LINGO2: variants seen among roughly 807,000 people sequenced by gnomAD.
The protein encoded by LINGO2 is leucine-rich repeat and immunoglobulin-like domain-containing nogo receptor-interacting protein 2.
A neutral mutation model predicts 30.6 loss-of-function variants in LINGO2; 14 were observed. The ratio of observed to expected loss-of-function variants is 0.46; its 90% CI spans 0.30 to 0.72. The LOEUF is 0.72. Ranked by LOEUF, LINGO2 falls within the 30% of genes least tolerant of loss-of-function variation. The probability of loss-of-function intolerance (pLI) is 0.07; values close to 1 mark genes in which losing one functional copy is unlikely to be tolerated. For missense variants in LINGO2, 729 were observed against 751.7 expected, an observed-to-expected ratio of 0.97 and a Z score of 0.35; for synonymous variants, 317 against 288.5, an observed-to-expected ratio of 1.10 and a Z score of -1.00.
chr9:28,565,234 C>T (rs773798726), intron 1 of LINGO2, among the ~76,000 whole-genome samples: 1 of 152,144 alleles, frequency 6.6e-6, no homozygotes, highest in African/African-American at 2.4e-5. Context: ...GTCGCCCAGG[C>T]TGGAGTGCAG....
chr9:28,940,222 G>A, the LINGO2 span, among the ~76,000 whole-genome samples: 2 of 152,048 alleles, frequency 1.3e-5, no homozygotes, highest in Non-Finnish European at 2.9e-5. Flanking sequence ...ATGACTCCCT[G>A]TCTCTGTTGC....
At chr9:29,076,638 T>TAC in the LINGO2 span, among the ~76,000 whole-genome samples, 2 of 147,568 alleles carry the variant, frequency 1.4e-5, no homozygotes, top group Non-Finnish European at 3.0e-5. Context: ...AATAAATATA[T>TAC]ATATATAAAA....
chr9:28,085,637 A>T (rs528224851), intron 4 of LINGO2, among the ~76,000 whole-genome samples: 30 of 152,216 alleles, frequency 2.0e-4, no homozygotes, highest in African/African-American at 7.0e-4. Context: ...CTAAGGCAGA[A>T]TATCCCTATA....
chr9:28,815,420 G>C, the LINGO2 span, among the ~76,000 whole-genome samples: 3 of 152,176 alleles, frequency 2.0e-5, no homozygotes, highest in Non-Finnish European at 4.4e-5. Flanking sequence ...TTAGAGCACA[G>C]ATTGTGGGGT....
At chr9:28,481,496 T>TA (rs924764368) in intron 1 of LINGO2, among the ~76,000 whole-genome samples, 51 of 152,226 alleles carry the variant, frequency 3.4e-4, no homozygotes, top group African/African-American at 1.2e-3. Context: ...AACATTCCTT[T>TA]GAGTCTCTTT....
At chr9:28,235,280 G>C (rs1219998987) in intron 4 of LINGO2, among the ~76,000 whole-genome samples, 1 of 152,152 alleles carries the variant, frequency 6.6e-6, no homozygotes, top group Non-Finnish European at 1.5e-5. Flanking sequence ...CCAGCAAGGA[G>C]GTACCTTTGA....
intron 3 of LINGO2, among the ~76,000 whole-genome samples, chr9:28,332,482 T>C (rs1023200): frequency 0.98 from 149,847 of 152,166 alleles, 73,822 homozygotes; most frequent in Middle Eastern, 1. Flanking sequence ...CACACATATT[T>C]TGTGGTGAAA....
intron 4 of LINGO2, among the ~76,000 whole-genome samples, chr9:28,085,171 T>C (rs1405578311): frequency 1.3e-5 from 2 of 152,102 alleles, no homozygotes; most frequent in African/African-American, 4.8e-5. Context: ...TACTGTATTT[T>C]GCAATTAAAT....
chr9:28,129,718 T>G lies in LINGO2; in HGVS notation c.-86-117313A>C, dbSNP rs1827331421. The G allele has an allele frequency of 6.6e-6, 1 of 152,246 alleles. No individual in the cohort carries two copies. The highest frequency in any genetic ancestry group is 6.5e-5 in the Admixed American group (1 of 15,280). The allele number at this position is 152,246 out of a possible 1,614,324, so 9.4% of individuals were successfully genotyped here. A position where few individuals can be genotyped will look rare whatever the true frequency, so the allele number is the denominator to read the frequency against. ...CCCATTGTAAATTTGAAAATTTCATTGCTCAAATGTACAGAAATTTGGTAT... is the reference window on the plus strand; with the variant it reads ...CCCATTGTAAATTTGAAAATTTCATGGCTCAAATGTACAGAAATTTGGTAT... On this transcript the variant is annotated intron_variant, in intron 4 of 5. Coordinates refer to ENST00000379992, the Ensembl canonical transcript of LINGO2. This position sits in a 1 kb window ranked among gnomAD's most constrained non-coding sequence, Gnocchi z 4.0.
chr9:28,021,117 G>A (rs1039663632), intron 4 of LINGO2, among the ~76,000 whole-genome samples: 15 of 151,690 alleles, frequency 9.9e-5, no homozygotes, highest in Middle Eastern at 3.4e-3. Context: ...TCCTATGGTG[G>A]AAGCTTAAAT....
chr9:27,942,442 GAA>G, the LINGO2 span: 9 of 152,072 alleles, frequency 5.9e-5, no homozygotes, highest in Non-Finnish European at 1.2e-4. Context: ...CATCCGAAAA[GAA>G]AACATGTTTT....
intron 5 of LINGO2, among the ~76,000 whole-genome samples, chr9:27,978,660 G>A (rs1384963099): frequency 1.3e-5 from 2 of 151,904 alleles, no homozygotes; most frequent in Non-Finnish European, 2.9e-5. Flanking sequence ...TGGTTTACAA[G>A]CCACCTAGTC....
At chr9:28,994,000 G>A in the LINGO2 span, among the ~76,000 whole-genome samples, 1 of 151,306 alleles carries the variant, frequency 6.6e-6, no homozygotes, top group Non-Finnish European at 1.5e-5. Context: ...TCAACATAGT[G>A]TTGGAAGTTC....
the LINGO2 span, among the ~76,000 whole-genome samples, chr9:28,800,041 A>C: frequency 6.6e-6 from 1 of 152,224 alleles, no homozygotes; most frequent in African/African-American, 2.4e-5. Flanking sequence ...TTTGTTTCAA[A>C]GATTCTATGG....
the LINGO2 span, among the ~76,000 whole-genome samples, chr9:29,155,500 A>T: frequency 6.6e-6 from 1 of 151,890 alleles, no homozygotes; most frequent in Non-Finnish European, 1.5e-5. Flanking sequence ...AGCAGAAATA[A>T]ATATGTGACC....
chr9:28,306,635 C>T (rs564013736), intron 3 of LINGO2, among the ~76,000 whole-genome samples: 2 of 152,186 alleles, frequency 1.3e-5, no homozygotes, highest in African/African-American at 4.8e-5. Context: ...CTAATGAATC[C>T]AGGAGCTGGT....
the LINGO2 span, among the ~76,000 whole-genome samples, chr9:29,043,319 A>C: frequency 0.022 from 3,328 of 152,084 alleles, 118 homozygotes; most frequent in African/African-American, 0.075. Context: ...ATCTGCTGGG[A>C]AGTCTTATGA....
intron 3 of LINGO2, among the ~76,000 whole-genome samples, chr9:28,333,608 A>G (rs2134355286): frequency 6.6e-6 from 1 of 152,292 alleles, no homozygotes; most frequent in Admixed American, 6.5e-5. Flanking sequence ...AGGAAATTAA[A>G]CCAAATTGAA....
At chr9:28,109,424 G>T (rs1826703464) in intron 4 of LINGO2, among the ~76,000 whole-genome samples, 1 of 152,104 alleles carries the variant, frequency 6.6e-6, no homozygotes. Flanking sequence ...GAAATAATGG[G>T]TATTCAAATA....
Sources: allele counts gnomAD v4.1 joint callset (sites outside exome capture counted in the v4.1 genomes callset), GRCh38; gene constraint gnomAD v4.1.1; non-coding constraint Gnocchi (gnomAD v3.1); transcripts MANE v1.5; gene names NCBI Gene and HGNC (gene_info 2026-07-23, HGNC 2026-07-21).